The following DNAH11 variants were observed in gnomAD, a reference collection of about 807,000 sequenced individuals.
The protein encoded by DNAH11 is dynein axonemal heavy chain 11.
A neutral mutation model predicts 526.0 loss-of-function variants in DNAH11; 442 were observed. That is an observed-to-expected ratio of 0.84 (90% CI 0.78 to 0.91). The LOEUF is 0.91. Among genes scored for constraint, DNAH11 ranks in the 40% least tolerant of loss-of-function variants. The probability of loss-of-function intolerance (pLI) is 0.00; values close to 1 mark genes in which losing one functional copy is unlikely to be tolerated. For synonymous variants in DNAH11, 2,461 were observed against 1,935.9 expected (o/e 1.27, Z -7.12); for missense variants, 6,989 against 5,448.7 (o/e 1.28, Z -8.90).
At chr7:21,568,249 C>A (rs180818148) in intron 6 of DNAH11, among the ~76,000 whole-genome samples, 2 of 152,108 alleles carry the variant, frequency 1.3e-5, no homozygotes, top group African/African-American at 4.8e-5. Flanking sequence ...CATCCTAAAT[C>A]TAGTGGCTTT....
At chr7:21,899,524 T>A in intron 80 of DNAH11, 76 bp downstream of exon 80, 2 of 1,154,768 alleles carry the variant, frequency 1.7e-6, no homozygotes, top group Non-Finnish European at 2.5e-6. Flanking sequence ...TGTTTACCTA[T>A]GATGGCGTCT....
intron 62 of DNAH11, among the ~76,000 whole-genome samples, chr7:21,802,143 A>C (rs1789022716): frequency 2.0e-5 from 3 of 152,250 alleles, no homozygotes; most frequent in Admixed American, 6.5e-5. Context: ...AAAGTCAAAG[A>C]GATAAATAAC....
chr7:21,729,907 A>C (rs1785301332), intron 45 of DNAH11, among the ~76,000 whole-genome samples: 1 of 152,180 alleles, frequency 6.6e-6, no homozygotes, highest in Admixed American at 6.5e-5. Context: ...TTAGAATCAA[A>C]ATCTGTATTA....
Position 21,807,877 on chromosome 7 carries a change from A to C in DNAH11, c.10166-6A>C. 1 of 1,584,974 alleles carries C rather than the reference A, an allele frequency of 6.3e-7. No individual in the cohort carries two copies. The highest frequency in any genetic ancestry group is 8.6e-7 in the Non-Finnish European group (1 of 1,157,390). The stretch of plus-strand genomic sequence containing the variant: ...TTACAGCTGAGTAATTTCATCTTTC[A>C]GTCAGAGAAGATTCGCTGGGGTCAA... On this transcript the variant is annotated splice_region_variant and splice_polypyrimidine_tract_variant and intron_variant, in intron 62 of 81. Transcript: ENST00000409508.
At chr7:21,592,694 A>G (rs981669640) in intron 14 of DNAH11, among the ~76,000 whole-genome samples, 1 of 152,246 alleles carries the variant, frequency 6.6e-6, no homozygotes, top group Non-Finnish European at 1.5e-5. Flanking sequence ...CTTGGGTCAT[A>G]GTGCTAGTGA....
chr7:21,682,395 G>A (rs1425591709), intron 31 of DNAH11, among the ~76,000 whole-genome samples: 2 of 151,842 alleles, frequency 1.3e-5, no homozygotes, highest in East Asian at 3.9e-4. Context: ...GTGTGGTGGT[G>A]GGTGCCTGTA....
intron 54 of DNAH11, among the ~76,000 whole-genome samples, chr7:21,759,685 G>GAA (rs143925539): frequency 6.6e-6 from 1 of 151,612 alleles, no homozygotes; most frequent in Admixed American, 6.6e-5. Flanking sequence ...ATATCAACTG[G>GAA]AAAAAAAATA....
intron 48 of DNAH11, among the ~76,000 whole-genome samples, chr7:21,740,069 A>G (rs1785809377): frequency 6.6e-6 from 1 of 152,214 alleles, no homozygotes; most frequent in Non-Finnish European, 1.5e-5. Context: ...TTTGACAGAC[A>G]TATAATGACA....
intron 30 of DNAH11, among the ~76,000 whole-genome samples, chr7:21,677,743 A>G (rs1049259506): frequency 2.0e-5 from 3 of 152,168 alleles, no homozygotes; most frequent in Admixed American, 6.5e-5. Context: ...CATTGCCAAC[A>G]AGATCTTTTG....
At position 21,894,603 on chromosome 7, in the gene DNAH11, C is replaced by G. The variant is rs143306801; in HGVS notation, c.12751-20C>G. 1.9e-6 allele frequency: 3 copies of G among 1,610,370 alleles called. No individual in the cohort carries two copies. The highest frequency in any genetic ancestry group is 2.7e-5 in the African/African-American group (2 of 74,760). ...AAACTGAAATAGAAAGGAGCTAAAT[C>G]TTTGTGTTACTGATTTAAGGTTAAG... On this transcript the variant is annotated intron_variant, in intron 77 of 81. Transcript: ENST00000409508.
At chr7:21,779,874 G>A (rs942752502) in intron 57 of DNAH11, among the ~76,000 whole-genome samples, 1 of 152,118 alleles carries the variant, frequency 6.6e-6, no homozygotes, top group African/African-American at 2.4e-5. Flanking sequence ...AGTATAATCA[G>A]GGCCTAATTA....
intron 30 of DNAH11, among the ~76,000 whole-genome samples, chr7:21,669,132 T>A (rs1385694465): frequency 1.3e-5 from 2 of 152,152 alleles, no homozygotes; most frequent in African/African-American, 4.8e-5. Flanking sequence ...TTGTGAAGTA[T>A]CTATTAAAAT....
At chr7:21,790,642 G>A (rs28376389) in intron 61 of DNAH11, among the ~76,000 whole-genome samples, 6 of 152,058 alleles carry the variant, frequency 3.9e-5, no homozygotes, top group East Asian at 1.9e-4. Flanking sequence ...AAGGTGGATC[G>A]ACATGGGCTT....
intron 5 of DNAH11, among the ~76,000 whole-genome samples, chr7:21,562,786 A>G (rs972948043): frequency 1.3e-5 from 2 of 152,160 alleles, no homozygotes; most frequent in Non-Finnish European, 2.9e-5. Context: ...TACATCTGGG[A>G]AAGAAAATAA....
intron 55 of DNAH11, among the ~76,000 whole-genome samples, chr7:21,768,674 T>G (rs533858920): frequency 6.6e-6 from 1 of 152,356 alleles, no homozygotes; most frequent in South Asian, 2.1e-4. Flanking sequence ...CTTCAATTGT[T>G]GCAGTTTGGT....
At chr7:21,543,919 C>CA (rs1782702469) in intron 1 of DNAH11, 1 of 370,006 alleles carries the variant, frequency 2.7e-6, no homozygotes, top group Non-Finnish European at 4.8e-6. Flanking sequence ...CTTTCTGTGC[C>CA]AAAAAACTTG....
chr7:21,850,354 CAAA>C (rs34141787), intron 66 of DNAH11, among the ~76,000 whole-genome samples: 1 of 122,328 alleles, frequency 8.2e-6, no homozygotes, highest in African/African-American at 2.9e-5. Flanking sequence ...GACTCTGTCT[CAAA>C]AAAAAAAAAA....
At position 21,702,770 on chromosome 7, in the gene DNAH11, A is replaced by T. The variant is rs1171846575; in HGVS notation, c.6241A>T (p.Lys2081Ter). The T allele has an allele frequency of 6.2e-7, 1 of 1,613,444 alleles. No homozygotes were observed. Among genetic ancestry groups the T allele is most frequent in the Non-Finnish European group, 8.5e-7 (1 of 1,179,734 alleles). ...KSVLVVAGSLKRGDKNRPEDQ... is the reference protein window; with the variant it reads ...KSVLVVAGSL Reference sequence around the variant, plus strand: ...TGTCTTGGTTGTGGCTGGATCTCTGAAACGAGGAGATAAAAATAGACCCGA... The same window carrying T: ...TGTCTTGGTTGTGGCTGGATCTCTGTAACGAGGAGATAAAAATAGACCCGA... The change falls in exon 37 of 82, where the codon AAA (lysine) becomes TAA (stop). Residue 2081 changes from lysine (K) to a stop codon, truncating the protein, a stop_gained. Transcript: ENST00000409508. LOFTEE classifies it high-confidence loss of function.
Position 21,564,131 on chromosome 7 carries a change from A to G in DNAH11, c.983-55A>G, listed in dbSNP as rs115817272. On this transcript the variant is annotated intron_variant, in intron 5 of 81. Coordinates refer to ENST00000409508, the MANE Select transcript of DNAH11 (RefSeq NM_001277115.2). ...TCTCTTCTACATGTAAAGTGAATTT[A>G]GAAAAAAAAAAAAAACAAACCAGAA... The G allele has an allele frequency of 9.1e-4, 1,187 of 1,304,094 alleles. 8 individuals are homozygous for G. The African/African-American group carries it at 0.016, about 18-fold the overall frequency. 80.8% of individuals were successfully genotyped at this position (1,304,094 alleles called of 1,614,324 possible).
Sources: allele counts gnomAD v4.1 joint callset (sites outside exome capture counted in the v4.1 genomes callset), GRCh38; gene constraint gnomAD v4.1.1; transcripts MANE v1.5; gene names NCBI Gene and HGNC (gene_info 2026-07-23, HGNC 2026-07-21).